The following WDR93 variants were observed in gnomAD, a reference collection of about 807,000 sequenced individuals.
WDR93 encodes the protein WD repeat domain 93, also known as WD repeat-containing protein 93.
WDR93 carries 73 observed loss-of-function variants against 82.9 expected under a neutral mutation model. The observed-to-expected ratio is 0.88, with a 90% CI of 0.73 to 1.07. WDR93 has a LOEUF of 1.07. Ranked by LOEUF, WDR93 falls within the 50% of genes least tolerant of loss-of-function variation. The pLI, the probability that WDR93 is intolerant of heterozygous loss-of-function variation, is 0.00. For synonymous variants in WDR93, 283 were observed against 300.1 expected (o/e 0.94, Z 0.59); for missense variants, 738 against 826.0 (o/e 0.89, Z 1.31).
chr15:89,730,109 G>A (rs1966847096), intron 11 of WDR93, among the ~76,000 whole-genome samples: 2 of 152,192 alleles, frequency 1.3e-5, no homozygotes, highest in Admixed American at 1.3e-4. Flanking sequence ...TGGATCACCT[G>A]AGGTCAGGAG....
At chr15:89,715,646 C>T (rs747777743) in intron 6 of WDR93, among the ~76,000 whole-genome samples, 2 of 151,996 alleles carry the variant, frequency 1.3e-5, no homozygotes, top group African/African-American at 2.4e-5. Flanking sequence ...TGCAGTGGTG[C>T]GATCTCTGCT....
upstream of WDR93, chr15:89,690,764 G>A (rs552516425): frequency 1.0e-5 from 6 of 591,276 alleles, no homozygotes; most frequent in South Asian, 8.5e-5. Context: ...CCGCCCCAGA[G>A]GGGGCGGGCA....
intron 8 of WDR93, among the ~76,000 whole-genome samples, chr15:89,724,274 A>C (rs1164020195): frequency 1.3e-5 from 2 of 152,174 alleles, no homozygotes; most frequent in African/African-American, 4.8e-5. Flanking sequence ...CCTGGGAGGC[A>C]GAAGTTGCAG....
chr15:89,733,575 G>T (rs531436398), intron 13 of WDR93, among the ~76,000 whole-genome samples: 1 of 152,254 alleles, frequency 6.6e-6, no homozygotes, highest in East Asian at 1.9e-4. Flanking sequence ...TGGATTAATA[G>T]GTGAATGGAT....
At chr15:89,712,251 C>G (rs1966012439) in intron 5 of WDR93, 147 bp downstream of exon 5, 1 of 636,110 alleles carries the variant, frequency 1.6e-6, no homozygotes, top group African/African-American at 1.9e-5. Context: ...TTCCCTTATG[C>G]CCTTCACCCA....
At chr15:89,706,452 A>ATT (rs1965732184) in intron 4 of WDR93, among the ~76,000 whole-genome samples, 1 of 151,794 alleles carries the variant, frequency 6.6e-6, no homozygotes, top group South Asian at 2.1e-4. Context: ...GTCATAGTAG[A>ATT]TTTTTTTATT....
At chr15:89,715,162 C>A in intron 6 of WDR93, 67 bp downstream of exon 6, 1 of 1,427,966 alleles carries the variant, frequency 7.0e-7, no homozygotes, top group South Asian at 1.2e-5. Context: ...TAGCCCAAGT[C>A]CTTGGAAACT....
At position 89,722,892 on chromosome 15, in the gene WDR93, C is replaced by A. The variant is rs181087216; in HGVS notation, c.880+753C>A. Among the ~76,000 whole-genome samples the A allele has an allele frequency of 7.4e-3, 1,127 of 151,930 alleles. 17 individuals carry two copies. The highest frequency in any genetic ancestry group is 0.026 in the African/African-American group (1,082 of 41,420). Reference sequence around the variant, plus strand: ...AAAATGTTTACGGTAGCATTATGTACAGAGGTGAATAATTGGTTAAATAAA... The same window carrying A: ...AAAATGTTTACGGTAGCATTATGTAAAGAGGTGAATAATTGGTTAAATAAA... On this transcript the variant is annotated intron_variant, in intron 8 of 16. Coordinates refer to ENST00000268130, the MANE Select transcript of WDR93 (RefSeq NM_020212.2).
At chr15:89,725,678 T>C (rs558733079) in intron 8 of WDR93, among the ~76,000 whole-genome samples, 1 of 151,038 alleles carries the variant, frequency 6.6e-6, no homozygotes, top group Non-Finnish European at 1.5e-5. Context: ...TCCTCCCACC[T>C]CAGCCTCCCA....
At chr15:89,727,038 G>GA (rs946372512) in intron 8 of WDR93, 119 bp from the exon 9 acceptor site, 5 of 1,171,602 alleles carry the variant, frequency 4.3e-6, no homozygotes, top group Non-Finnish European at 6.1e-6. Flanking sequence ...TGCAGAGCAA[G>GA]AATCGATTTC....
intron 1 of WDR93, among the ~76,000 whole-genome samples, chr15:89,696,444 C>T (rs907598613): frequency 3.3e-5 from 5 of 151,900 alleles, no homozygotes; most frequent in African/African-American, 1.2e-4. Context: ...CTGTCATAAA[C>T]ATTTGTGTAG....
At position 89,733,022 on chromosome 15, in the gene WDR93, C is replaced by T. The variant is rs371389569; in HGVS notation, c.1347C>T (p.Val449=). The T allele has an allele frequency of 9.9e-6, 16 of 1,614,098 alleles. No homozygotes were observed. The highest frequency in any genetic ancestry group is 1.2e-5 in the Non-Finnish European group (14 of 1,180,006). ...WDLAKGFPLG[V]AALPQGCFCQ... ...TTTCTCTAGGATTCCCTCTTGGGGT[C>T]GCTGCTCTTCCTCAGGGATGTTTCT... Residue 449 remains valine (V), a synonymous_variant, in exon 13 of 17, where the codon GTC becomes GTT. Transcript: ENST00000268130.
chr15:89,706,730 A>G (rs1248124761), intron 4 of WDR93, among the ~76,000 whole-genome samples: 1 of 152,184 alleles, frequency 6.6e-6, no homozygotes, highest in African/African-American at 2.4e-5. Context: ...TCTTAGGAAA[A>G]TGAAAAGCAC....
At chr15:89,715,872 T>C (rs1966227409) in intron 6 of WDR93, among the ~76,000 whole-genome samples, 1 of 152,312 alleles carries the variant, frequency 6.6e-6, no homozygotes, top group South Asian at 2.1e-4. Flanking sequence ...GCATGAGCCA[T>C]CGCACCCGGC....
chr15:89,717,813 C>G (rs1966329869), intron 7 of WDR93, among the ~76,000 whole-genome samples: 1 of 152,144 alleles, frequency 6.6e-6, no homozygotes, highest in African/African-American at 2.4e-5. Flanking sequence ...TTTGCCTCTA[C>G]CAAAATAACA....
At chr15:89,736,455 A>G (rs1158527114) in intron 14 of WDR93, among the ~76,000 whole-genome samples, 2 of 152,150 alleles carry the variant, frequency 1.3e-5, no homozygotes, top group Non-Finnish European at 2.9e-5. Flanking sequence ...TGGGGCGTAC[A>G]GCAGGTTCCC....
intron 1 of WDR93, among the ~76,000 whole-genome samples, chr15:89,697,732 G>A (rs1223300628): frequency 6.6e-6 from 1 of 152,064 alleles, no homozygotes; most frequent in Non-Finnish European, 1.5e-5. Flanking sequence ...TGAGAAGAGG[G>A]TATTGAAATC....
rs777575505 is a variant in WDR93, at chr15:89,727,242, G to A, written c.966G>A (p.Lys322=). 1.2e-6 allele frequency: 2 copies of A among 1,614,150 alleles called. No homozygotes were observed. Among genetic ancestry groups the A allele is most frequent in the Non-Finnish European group, 1.7e-6 (2 of 1,180,020 alleles). Residue 322 remains lysine, a synonymous_variant, in exon 9 of 17, where the codon AAG becomes AAA. Coordinates refer to ENST00000268130, the MANE Select transcript of WDR93 (RefSeq NM_020212.2). The stretch of plus-strand genomic sequence containing the variant: ...GCTCCGGGCAGAATCATTTCATCAA[G>A]GACAGTCAGTGGGAGCAGCAAGCTG... ...GLGSGQNHFI[K]DSQWEQQAEI...
At chr15:89,711,491 G>A (rs1254381154) in intron 4 of WDR93, among the ~76,000 whole-genome samples, 6 of 146,382 alleles carry the variant, frequency 4.1e-5, no homozygotes, top group East Asian at 2.0e-4. Context: ...GTGAGATTCC[G>A]TCTCTCTTAA....
Sources: allele counts gnomAD v4.1 joint callset (sites outside exome capture counted in the v4.1 genomes callset), GRCh38; gene constraint gnomAD v4.1.1; transcripts MANE v1.5; gene names NCBI Gene and HGNC (gene_info 2026-07-23, HGNC 2026-07-21).